The following CCDC33 variants were observed in gnomAD, a reference collection of about 807,000 sequenced individuals.
The protein encoded by CCDC33 is coiled-coil domain-containing protein 33.
In CCDC33, 94 loss-of-function variants were observed where a neutral mutation model predicts 91.9. That is an observed-to-expected ratio of 1.02 (90% CI 0.87 to 1.21). The LOEUF (loss-of-function observed/expected upper bound fraction) is 1.21, where lower values mean the gene tolerates loss of function less well. Among genes scored for constraint, CCDC33 ranks in the 50% most tolerant of loss-of-function variants. CCDC33 has a pLI of 0.00. For missense variants in CCDC33, 940 were observed against 935.5 expected (o/e 1.00, Z -0.06); for synonymous variants, 396 against 374.5 (o/e 1.06, Z -0.66).
chr15:74,268,479 T>C (rs1362653439), intron 5 of CCDC33, 21 bp downstream of exon 5: 1 of 1,131,738 alleles, frequency 8.8e-7, no homozygotes, highest in Non-Finnish European at 1.2e-6. Context: ...TGGGGCCCTC[T>C]GGGGTGGTGG....
At chr15:74,250,118 C>G (rs1343256193) in intron 2 of CCDC33, among the ~76,000 whole-genome samples, 2 of 152,204 alleles carry the variant, frequency 1.3e-5, no homozygotes, top group Non-Finnish European at 2.9e-5. Context: ...GTCTCCCGGT[C>G]TCTCGGATTG....
chr15:74,306,115 C>G (rs539064813), intron 11 of CCDC33, among the ~76,000 whole-genome samples: 1 of 152,162 alleles, frequency 6.6e-6, no homozygotes. Flanking sequence ...GCCTCTCCCT[C>G]TGACCCCCTC....
rs139882910 is a variant in CCDC33 at position 74,292,950 on chromosome 15, A to C, written c.1096-2804A>C. Among the ~76,000 whole-genome samples the C allele has an allele frequency of 6.8e-3, 1,029 of 152,064 alleles. 15 individuals are homozygous for C. Among genetic ancestry groups the C allele is most frequent in the African/African-American group, 0.024 (983 of 41,454 alleles). On this transcript the variant is annotated intron_variant, in intron 10 of 18. Coordinates refer to ENST00000398814, the MANE Select transcript of CCDC33 (RefSeq NM_025055.5). ...GAGGGGTTGTTCCCACCTTTATTTT[A>C]GCTTTGTGATGAAATTAAATGGATT...
intron 11 of CCDC33, among the ~76,000 whole-genome samples, chr15:74,324,632 G>A (rs1222276467): frequency 1.3e-5 from 2 of 148,786 alleles, no homozygotes; most frequent in Admixed American, 6.7e-5. Flanking sequence ...GTTGCCAGAC[G>A]CTGAAAATCT....
In CCDC33 at chr15:74,254,178, G is replaced by A. The variant is rs140938218; in HGVS notation, c.186-8262G>A. On this transcript the variant is annotated intron_variant, in intron 2 of 18. Transcript: ENST00000398814. Reference sequence around the variant, plus strand: ...CTCTTGAGTAGCTGGGATTACAGGCGCGCGCCACCACTCCCAGCTAATTTT... The same window carrying A: ...CTCTTGAGTAGCTGGGATTACAGGCACGCGCCACCACTCCCAGCTAATTTT... Among the ~76,000 whole-genome samples the A allele has an allele frequency of 1.4e-3, 219 of 151,706 alleles. 1 individual carries two copies. Among genetic ancestry groups the A allele is most frequent in the African/African-American group, 5.0e-3 (205 of 41,348 alleles).
intron 11 of CCDC33, among the ~76,000 whole-genome samples, chr15:74,321,778 CACCT>C (rs2060212250): frequency 6.6e-6 from 1 of 152,192 alleles, no homozygotes; most frequent in Non-Finnish European, 1.5e-5. Context: ...ATTCAAAGGA[CACCT>C]ACAGGAGTTC....
intron 11 of CCDC33, chr15:74,319,515 C>T: frequency 6.6e-6 from 1 of 152,610 alleles, no homozygotes; most frequent in Non-Finnish European, 1.5e-5. Flanking sequence ...CAGCCCTGTA[C>T]TCACCTGGGC....
intron 6 of CCDC33, 49 bp from the exon 7 acceptor site, chr15:74,272,722 G>C (rs1166607504): frequency 6.2e-7 from 1 of 1,602,224 alleles, no homozygotes; most frequent in Non-Finnish European, 8.5e-7. Flanking sequence ...GGGCTGCCAG[G>C]CTCAGGTGCA....
At chr15:74,213,442 C>T (rs1482259587), upstream of CCDC33, 1 of 152,256 alleles carries the variant, frequency 6.6e-6, no homozygotes, top group East Asian at 1.9e-4. Flanking sequence ...ACACAGCTGT[C>T]CATGTGTCCT....
chr15:74,214,603 A>G (rs1452446981), upstream of CCDC33, among the ~76,000 whole-genome samples: 1 of 152,144 alleles, frequency 6.6e-6, no homozygotes, highest in Non-Finnish European at 1.5e-5. Flanking sequence ...TGACTTGCTG[A>G]AATTCACTGA....
chr15:74,249,425 T>C (rs767119239), intron 2 of CCDC33, among the ~76,000 whole-genome samples: 31 of 151,876 alleles, frequency 2.0e-4, no homozygotes, highest in Non-Finnish European at 4.6e-4. Flanking sequence ...GAGGTGGAGC[T>C]TGCAGTGAGC....
intron 11 of CCDC33, 104 bp downstream of exon 11, chr15:74,296,052 T>A: frequency 2.1e-6 from 2 of 950,972 alleles, no homozygotes; most frequent in Non-Finnish European, 3.1e-6. Context: ...AGGTGGCCAG[T>A]AGACCTCCCT....
intron 11 of CCDC33, among the ~76,000 whole-genome samples, chr15:74,305,098 C>A (rs2059869630): frequency 6.6e-6 from 1 of 152,154 alleles, no homozygotes; most frequent in Non-Finnish European, 1.5e-5. Context: ...AGACACCTGC[C>A]ACCATGCCCA....
At chr15:74,295,552 T>C (rs1338889178) in intron 10 of CCDC33, among the ~76,000 whole-genome samples, 3 of 152,050 alleles carry the variant, frequency 2.0e-5, no homozygotes, top group Non-Finnish European at 4.4e-5. Context: ...GGAGCGAGCT[T>C]GGCTTGTTGG....
rs1329071544 is a variant in CCDC33, at chr15:74,236,733, AC to A, written c.15del (p.Asn5LysfsTer12). 1.2e-6 allele frequency: 2 copies of A among 1,613,854 alleles called. No homozygotes were observed. The highest frequency in any genetic ancestry group is 2.7e-5 in the African/African-American group (2 of 74,936). On this transcript the variant is annotated frameshift_variant, in exon 1 of 19. Transcript: ENST00000398814. LOFTEE classifies it high-confidence loss of function. ...GGCCTCAAGAGGATGGGACTGAAAA[AC>A]AAAAAGGTAAGGCCAGGGGCATGGG... MGLK[N>X]KKNTEDPEEP...
intron 2 of CCDC33, among the ~76,000 whole-genome samples, chr15:74,260,713 C>T (rs999572978): frequency 1.3e-5 from 2 of 152,140 alleles, no homozygotes; most frequent in Non-Finnish European, 2.9e-5. Flanking sequence ...GGATTCCACA[C>T]CTTGGCCCGA....
intron 2 of CCDC33, chr15:74,221,239 T>C: frequency 4.1e-6 from 4 of 978,532 alleles, no homozygotes; most frequent in Non-Finnish European, 4.8e-6. Flanking sequence ...TTTTTTTTTT[T>C]TTTTCACCAG....
rs549807741 is a variant in CCDC33 at position 74,268,659 on chromosome 15, G to T, written c.546+201G>T. 9.1e-4 allele frequency among the ~76,000 whole-genome samples: 138 copies of T among 152,370 alleles called. No homozygotes were observed. The highest frequency in any genetic ancestry group is 2.2e-3 in the Admixed American group (33 of 15,312). On this transcript the variant is annotated intron_variant, in intron 5 of 18. Transcript: ENST00000398814. The stretch of plus-strand genomic sequence containing the variant: ...CAAGCCCTTTGGCAGGGATGACAAG[G>T]ATGAAGATGCTCAAGCCTCTTCTCC...
intron 2 of CCDC33, among the ~76,000 whole-genome samples, chr15:74,249,786 G>A (rs141003763): frequency 2.1e-4 from 32 of 152,148 alleles, no homozygotes; most frequent in Middle Eastern, 3.4e-3. Context: ...TCTCAATTTC[G>A]CTGTTCCCTG....
Sources: gnomAD v4.1 joint callset for allele counts (sites outside exome capture counted in the v4.1 genomes callset) on GRCh38, gnomAD v4.1.1 for gene constraint, MANE v1.5 for transcripts, NCBI Gene and HGNC (gene_info 2026-07-23, HGNC 2026-07-21) for gene names.